Variants in CATSPERB observed in about 807,000 individuals in gnomAD.
The protein encoded by CATSPERB is catsper channel auxiliary subunit beta, also known as cation channel sperm-associated auxiliary subunit beta.
Under a neutral mutation model 128.3 loss-of-function variants are expected in CATSPERB, and 93 were observed. The ratio of observed to expected loss-of-function variants is 0.72; its 90% CI spans 0.61 to 0.86. The LOEUF (loss-of-function observed/expected upper bound fraction) is 0.86. CATSPERB is among the 40% of genes least tolerant of loss of function. The pLI, the probability that CATSPERB is intolerant of heterozygous loss-of-function variation, is 0.00. For synonymous variants in CATSPERB, 381 were observed against 448.8 expected, an observed-to-expected ratio of 0.85 and a Z score of 1.91; for missense variants, 1,153 against 1,329.5, an observed-to-expected ratio of 0.87 and a Z score of 2.06.
At chr14:91,673,095 G>A (rs1014029897) in intron 12 of CATSPERB, 79 bp from the exon 13 acceptor site, 1 of 1,199,582 alleles carries the variant, frequency 8.3e-7, no homozygotes, top group Non-Finnish European at 1.2e-6. Context: ...TAGCCCACTT[G>A]TTCATAGAAG....
chr14:91,678,976 TG>T (rs1895236037), intron 11 of CATSPERB, among the ~76,000 whole-genome samples: 1 of 152,190 alleles, frequency 6.6e-6, no homozygotes, highest in Non-Finnish European at 1.5e-5. Flanking sequence ...CTTTAAATGA[TG>T]ACTAGTGCTG....
intron 15 of CATSPERB, among the ~76,000 whole-genome samples, chr14:91,654,433 C>T (rs974423599): frequency 3.3e-5 from 5 of 152,268 alleles, no homozygotes; most frequent in African/African-American, 1.2e-4. Flanking sequence ...ACTGAAGAGC[C>T]CTTGGACCTT....
rs1893893464 is a variant in CATSPERB at position 91,614,296 on chromosome 14, C to CGA, written c.2400+3300_2400+3301insTC. Among the ~76,000 whole-genome samples, 3 of 26,686 alleles carry CGA rather than the reference C, an allele frequency of 1.1e-4. No homozygotes were observed. The Admixed American group carries it at 2.3e-3, about 20-fold the overall frequency. The allele number at this position is 26,686 out of a possible 152,430, so 17.5% of individuals were successfully genotyped here. The stretch of plus-strand genomic sequence containing the variant: ...TCCAGGTAGTCTTCTCTAGGGCTCA[C>CGA]ACTTTTATCCTCTGTTCTGAACCTC... On this transcript the variant is annotated intron_variant, in intron 20 of 26. Coordinates refer to ENST00000256343, the MANE Select transcript of CATSPERB (RefSeq NM_024764.4).
chr14:91,729,341 A>G (rs1232131688), intron 2 of CATSPERB, 60 bp downstream of exon 2: 2 of 711,206 alleles, frequency 2.8e-6, no homozygotes. Flanking sequence ...GTAAATAAGG[A>G]AGAGACACAA....
At chr14:91,616,042 G>A (rs187138330) in intron 20 of CATSPERB, among the ~76,000 whole-genome samples, 353 of 152,092 alleles carry the variant, frequency 2.3e-3, no homozygotes, top group African/African-American at 8.2e-3. Context: ...ACCATGCCTG[G>A]CTAATCTTTT....
chr14:91,596,350 C>A (rs1017064071), intron 22 of CATSPERB, among the ~76,000 whole-genome samples: 1 of 152,010 alleles, frequency 6.6e-6, no homozygotes, highest in Admixed American at 6.6e-5. Flanking sequence ...ACTACAGGCG[C>A]CTGCCACCAC....
At chr14:91,728,929 T>G (rs1269432607) in intron 2 of CATSPERB, among the ~76,000 whole-genome samples, 1 of 152,228 alleles carries the variant, frequency 6.6e-6, no homozygotes, top group Non-Finnish European at 1.5e-5. Context: ...TGATCTCACT[T>G]TCCACAGTTT....
intron 5 of CATSPERB, among the ~76,000 whole-genome samples, chr14:91,712,598 G>A (rs985006588): frequency 6.6e-6 from 1 of 152,148 alleles, no homozygotes; most frequent in African/African-American, 2.4e-5. Context: ...ATCGTTTACT[G>A]TCATGCATTT....
At chr14:91,624,640 C>T (rs1230335572) in intron 18 of CATSPERB, among the ~76,000 whole-genome samples, 180 bp downstream of exon 18, 7 of 146,340 alleles carry the variant, frequency 4.8e-5, no homozygotes, top group Non-Finnish European at 9.0e-5. Flanking sequence ...GACTCCATTG[C>T]CAAAAAAAAA....
At position 91,596,948 on chromosome 14, in the gene CATSPERB, G is replaced by A. The variant is rs1893516826; in HGVS notation, c.2710-4946C>T. On this transcript the variant is annotated intron_variant, in intron 22 of 26. Transcript: ENST00000256343. ...GTCACCCAGGCTGGAGTGCAGTGAC[G>A]CCATCTCGGCTCACTGCAAGCTCCA... Among the ~76,000 whole-genome samples the A allele has an allele frequency of 2.0e-5, 3 of 150,918 alleles. No homozygotes were observed. The South Asian group carries it at 6.3e-4, about 32-fold the overall frequency.
At chr14:91,675,220 A>T (rs1895172749) in intron 11 of CATSPERB, among the ~76,000 whole-genome samples, 1 of 152,244 alleles carries the variant, frequency 6.6e-6, no homozygotes, top group Admixed American at 6.5e-5. Context: ...TGGATGGGAC[A>T]AGAGTTGCTC....
At chr14:91,704,413 T>G in intron 7 of CATSPERB, 139 bp downstream of exon 7, 1 of 797,778 alleles carries the variant, frequency 1.3e-6, no homozygotes, top group Admixed American at 2.8e-5. Flanking sequence ...GATACAGTAT[T>G]GAATAATAAA....
intron 15 of CATSPERB, among the ~76,000 whole-genome samples, chr14:91,652,670 C>CAAAAAAAAAAAAAAAAA (rs58608847): frequency 1.4e-5 from 1 of 69,166 alleles, no homozygotes; most frequent in Non-Finnish European, 2.5e-5. Flanking sequence ...GACTCTGTCT[C>CAAAAAAAAAAAAAAAAA]AAAAAAAAAA....
intron 22 of CATSPERB, among the ~76,000 whole-genome samples, chr14:91,594,847 G>A (rs1326918979): frequency 2.0e-5 from 3 of 152,186 alleles, no homozygotes; most frequent in Non-Finnish European, 4.4e-5. Flanking sequence ...GCTTATGTAT[G>A]TAAATAGGTT....
chr14:91,729,394 A>C lies in CATSPERB; in HGVS notation c.79+7T>G. ...GGAAATAGAGAGTAAGATGGTCTGA[A>C]ACTTACCTTTATTATATACTATTCC... On this transcript the variant is annotated splice_region_variant and intron_variant, in intron 2 of 26. Transcript: ENST00000256343. 2 of 1,307,218 alleles carry C rather than the reference A, an allele frequency of 1.5e-6. No individual in the cohort carries two copies. The highest frequency in any genetic ancestry group is 2.1e-6 in the Non-Finnish European group (2 of 931,324). 81.0% of individuals were successfully genotyped at this position (1,307,218 alleles called of 1,614,324 possible). A position where few individuals can be genotyped will look rare whatever the true frequency, so the allele number is the denominator to read the frequency against.
At position 91,660,148 on chromosome 14, in the gene CATSPERB, G is replaced by A. The variant is rs1028524144; in HGVS notation, c.1288-167C>T. Among the ~76,000 whole-genome samples the A allele has an allele frequency of 8.2e-4, 121 of 148,170 alleles. 1 individual carries two copies. Among genetic ancestry groups the A allele is most frequent in the Non-Finnish European group, 9.1e-4 (61 of 67,010 alleles). ...CACACACACACACACACACACACTC[G>A]TATACAGACTCCTTATCTACTTTGT... On this transcript the variant is annotated intron_variant, in intron 14 of 26. Coordinates refer to ENST00000256343, the MANE Select transcript of CATSPERB (RefSeq NM_024764.4).
At chr14:91,699,552 C>T (rs1595183964) in intron 7 of CATSPERB, among the ~76,000 whole-genome samples, 1 of 151,940 alleles carries the variant, frequency 6.6e-6, no homozygotes, top group African/African-American at 2.4e-5. Context: ...AGGAATGAAG[C>T]CTACTTGATC....
At chr14:91,716,940 A>C (rs1202522289) in intron 5 of CATSPERB, among the ~76,000 whole-genome samples, 3 of 152,228 alleles carry the variant, frequency 2.0e-5, no homozygotes, top group Non-Finnish European at 4.4e-5. Flanking sequence ...GTTCACACAA[A>C]AACCTGTATG....
At chr14:91,701,742 A>G (rs766712820) in intron 7 of CATSPERB, among the ~76,000 whole-genome samples, 7 of 151,952 alleles carry the variant, frequency 4.6e-5, no homozygotes, top group Non-Finnish European at 1.0e-4. Flanking sequence ...GAGGACAAAC[A>G]AGGCCTCGCA....
Sources: allele counts gnomAD v4.1 joint callset (sites outside exome capture counted in the v4.1 genomes callset), GRCh38; gene constraint gnomAD v4.1.1; transcripts MANE v1.5; gene names NCBI Gene and HGNC (gene_info 2026-07-23, HGNC 2026-07-21).